Variants in RPS6KA6 observed in about 807,000 individuals in gnomAD.
RPS6KA6 encodes the protein ribosomal protein S6 kinase A6.
In RPS6KA6, 27 loss-of-function variants were observed where a neutral mutation model predicts 65.4. The ratio of observed to expected loss-of-function variants is 0.41; its 90% CI spans 0.30 to 0.57. RPS6KA6 has a LOEUF of 0.57. Among genes scored for constraint, RPS6KA6 ranks in the 20% least tolerant of loss-of-function variants. The pLI, the probability that RPS6KA6 is intolerant of heterozygous loss-of-function variation, is 0.24. For synonymous variants in RPS6KA6, 190 were observed against 184.2 expected, an observed-to-expected ratio of 1.03 and a Z score of -0.26; for missense variants, 486 against 555.6, an observed-to-expected ratio of 0.87 and a Z score of 1.26.
At chrX:84,109,395 G>A (rs2034426182) in intron 12 of RPS6KA6, among the ~76,000 whole-genome samples, 1 of 111,180 alleles carries the variant, frequency 9.0e-6, no homozygotes, top group Admixed American at 9.5e-5. Context: ...CATGTGATCA[G>A]CCATGGGAAT....
intron 20 of RPS6KA6, among the ~76,000 whole-genome samples, chrX:84,079,837 T>C (rs2033751805): frequency 1.8e-5 from 2 of 112,182 alleles, no homozygotes; most frequent in Admixed American, 9.4e-5. Flanking sequence ...CAGGGGCTTA[T>C]AGATAAAACT....
intron 6 of RPS6KA6, among the ~76,000 whole-genome samples, chrX:84,140,123 G>C (rs1354257971): frequency 9.0e-6 from 1 of 111,481 alleles, no homozygotes; most frequent in Admixed American, 9.5e-5. Context: ...CCTAAACCAG[G>C]AAAACAACGA....
At chrX:84,097,687 A>G in intron 19 of RPS6KA6, 85 bp downstream of exon 19, 1 of 553,789 alleles carries the variant, frequency 1.8e-6, no homozygotes, top group East Asian at 3.5e-5. Context: ...CCTTAAAGTT[A>G]TTTTAATCTA....
intron 12 of RPS6KA6, among the ~76,000 whole-genome samples, chrX:84,109,460 G>C (rs2034427319): frequency 9.0e-6 from 1 of 111,010 alleles, no homozygotes. Flanking sequence ...CCTTTTAAGA[G>C]ACCAGCTCCC....
chrX:84,145,452 T>C, intron 6 of RPS6KA6, 26 bp downstream of exon 6: 2 of 957,523 alleles, frequency 2.1e-6, no homozygotes, highest in Non-Finnish European at 2.9e-6. Flanking sequence ...TTTAAGAAAA[T>C]ACAGTAAAAA....
rs1390560032 is a variant in RPS6KA6, at chrX:84,135,192, C to A, written c.520G>T (p.Asp174Tyr). Reference protein sequence around the residue: ...LSKEVLFTEEDVKFYLAELAL... With the variant: ...LSKEVLFTEEYVKFYLAELAL... ...AGTTCTGCGAGGTAGAATTTCACAT[C>A]TTCCTCTGTAAACAGAACCTAGAAC... is the stretch of plus-strand genomic sequence containing the variant. Residue 174 changes from aspartate (D) to tyrosine (Y), a missense_variant, in exon 7 of 22, where the codon GAT becomes TAT. Around this residue, in one of 3 missense-constraint regions of RPS6KA6, gnomAD observed 35 missense variants for 75.5 expected, o/e 0.46. Coordinates refer to ENST00000262752, the MANE Select transcript of RPS6KA6 (RefSeq NM_014496.5). 2.5e-6 allele frequency: 3 copies of A among 1,186,466 alleles called. No homozygotes were observed. The highest frequency in any genetic ancestry group is 3.5e-5 in the African/African-American group (2 of 56,790).
intron 8 of RPS6KA6, among the ~76,000 whole-genome samples, chrX:84,134,331 T>C (rs955262668): frequency 6.2e-5 from 7 of 112,018 alleles, no homozygotes; most frequent in African/African-American, 2.3e-4. Flanking sequence ...CATAGGTTTT[T>C]ATTTTTCTAG....
intron 18 of RPS6KA6, among the ~76,000 whole-genome samples, chrX:84,100,460 A>G (rs1404440317): frequency 6.3e-5 from 7 of 111,026 alleles, no homozygotes; most frequent in Non-Finnish European, 1.1e-4. Flanking sequence ...TCACCTTAAC[A>G]TTTTTCCAGT....
At position 84,148,140 on chromosome X, in the gene RPS6KA6, CA is replaced by C. The variant is rs57639711; in HGVS notation, c.259-18del. The C allele has an allele frequency of 0.034, 22,925 of 676,216 alleles. No homozygotes were observed. Among genetic ancestry groups the C allele is most frequent in the Admixed American group, 0.038 (912 of 23,706 alleles). 55.7% of individuals were successfully genotyped at this position (676,216 alleles called of 1,213,427 possible). ...AAGAAAAACCTAATAGAAAATTGAACAAAAAAAAAAAGGAAAATTCACATTT... is the reference window on the plus strand; with the variant it reads ...AAGAAAAACCTAATAGAAAATTGAACAAAAAAAAAAGGAAAATTCACATTT... On this transcript the variant is annotated intron_variant, in intron 3 of 21. Transcript: ENST00000262752.
At chrX:84,075,005 C>T (rs2033631881) in intron 20 of RPS6KA6, among the ~76,000 whole-genome samples, 1 of 111,642 alleles carries the variant, frequency 9.0e-6, no homozygotes. Context: ...GAGGCCAAGG[C>T]GGGTGGATCA....
chrX:84,116,523 T>C, intron 11 of RPS6KA6, among the ~76,000 whole-genome samples: 1 of 111,396 alleles, frequency 9.0e-6, no homozygotes, highest in Non-Finnish European at 1.9e-5. Context: ...AATCAAATAG[T>C]ATTAAACATA....
At chrX:84,122,916 C>T (rs2034706341) in intron 8 of RPS6KA6, among the ~76,000 whole-genome samples, 1 of 111,587 alleles carries the variant, frequency 9.0e-6, no homozygotes, top group Non-Finnish European at 1.9e-5. Context: ...CCAGACAGCA[C>T]AGCAACAAAA....
intron 8 of RPS6KA6, among the ~76,000 whole-genome samples, chrX:84,121,089 T>C (rs889145120): frequency 2.7e-5 from 3 of 112,446 alleles, no homozygotes; most frequent in East Asian, 5.6e-4. Context: ...ACAATCTAAG[T>C]ATAACGTGAA....
chrX:84,091,204 A>C (rs775550941), intron 20 of RPS6KA6, among the ~76,000 whole-genome samples: 1 of 112,536 alleles, frequency 8.9e-6, no homozygotes, highest in East Asian at 2.8e-4. Flanking sequence ...AATGAAAAAT[A>C]AATATTTATG....
At chrX:84,170,855 A>G (rs973795201) in intron 1 of RPS6KA6, among the ~76,000 whole-genome samples, 6 of 111,099 alleles carry the variant, frequency 5.4e-5, no homozygotes, top group African/African-American at 2.0e-4. Flanking sequence ...AGAATATGGC[A>G]AAGGCGATGA....
At chrX:84,116,610 T>C (rs997041258) in intron 11 of RPS6KA6, among the ~76,000 whole-genome samples, 5 of 110,532 alleles carry the variant, frequency 4.5e-5, no homozygotes, top group Non-Finnish European at 9.5e-5. Flanking sequence ...AATTGAAAGG[T>C]ACAAAGGAAT....
intron 2 of RPS6KA6, among the ~76,000 whole-genome samples, chrX:84,157,125 T>C (rs1455255153): frequency 8.9e-6 from 1 of 111,924 alleles, no homozygotes; most frequent in Admixed American, 9.5e-5. Context: ...TCAATGGTGA[T>C]TGAAGCCAAA....
At chrX:84,107,140 A>C (rs1908140373) in intron 13 of RPS6KA6, 100 bp from the exon 14 acceptor site, 1 of 598,028 alleles carries the variant, frequency 1.7e-6, no homozygotes, top group African/African-American at 2.3e-5. Flanking sequence ...ATTAAATGCT[A>C]CTAACATATT....
At chrX:84,089,922 G>T (rs1485798290) in intron 20 of RPS6KA6, among the ~76,000 whole-genome samples, 1 of 111,994 alleles carries the variant, frequency 8.9e-6, no homozygotes, top group African/African-American at 3.2e-5. Flanking sequence ...ATGTACTCAG[G>T]TTTCTTATTT....
Sources: gnomAD v4.1 joint callset for allele counts (sites outside exome capture counted in the v4.1 genomes callset) on GRCh38, gnomAD v4.1.1 for gene constraint, gnomAD v4.1.1 regional missense constraint, MANE v1.5 for transcripts, NCBI Gene and HGNC (gene_info 2026-07-23, HGNC 2026-07-21) for gene names.